Variants in INPP5A observed in about 807,000 individuals in gnomAD.
INPP5A encodes the protein 43 kDa inositol polyphosphate 5-phophatase.
In INPP5A, 14 loss-of-function variants were observed where a neutral mutation model predicts 65.2. That is an observed-to-expected ratio of 0.21 (90% CI 0.14 to 0.34). The LOEUF (loss-of-function observed/expected upper bound fraction) is 0.34, where lower values mean the gene tolerates loss of function less well. INPP5A is among the 10% of genes least tolerant of loss of function. INPP5A has a pLI of 1.00. For missense variants in INPP5A, 431 were observed against 545.6 expected, an observed-to-expected ratio of 0.79 and a Z score of 2.09; for synonymous variants, 207 against 208.3, an observed-to-expected ratio of 0.99 and a Z score of 0.05.
chr10:132,735,084 T>C (rs79509250), intron 9 of INPP5A, among the ~76,000 whole-genome samples: 4,894 of 152,242 alleles, frequency 0.032, 114 homozygotes, highest in Non-Finnish European at 0.049. Flanking sequence ...CCCTGAGCCT[T>C]TCTGTCAAAC....
At chr10:132,708,079 C>T (rs1288085091) in intron 6 of INPP5A, among the ~76,000 whole-genome samples, 2 of 152,184 alleles carry the variant, frequency 1.3e-5, no homozygotes, top group Admixed American at 6.5e-5. Flanking sequence ...TCATATCTTC[C>T]CCCCACCCCA....
chr10:132,611,375 G>T (rs2071946733), intron 2 of INPP5A, among the ~76,000 whole-genome samples: 1 of 148,488 alleles, frequency 6.7e-6, no homozygotes, highest in Non-Finnish European at 1.5e-5. Context: ...GGGTGAGGGA[G>T]GTGAGGTGGG....
chr10:132,560,992 C>T (rs903584545), intron 1 of INPP5A, among the ~76,000 whole-genome samples: 3 of 150,260 alleles, frequency 2.0e-5, no homozygotes, highest in Non-Finnish European at 4.4e-5. Context: ...ATGTAATTTA[C>T]AAATGTTTTC....
At chr10:132,596,769 ATGTG>A (rs1177211287) in intron 1 of INPP5A, among the ~76,000 whole-genome samples, 2 of 151,626 alleles carry the variant, frequency 1.3e-5, no homozygotes, top group African/African-American at 2.4e-5. Context: ...GTATGCATGC[ATGTG>A]TGTTTGTGTG....
intron 4 of INPP5A, among the ~76,000 whole-genome samples, chr10:132,669,989 C>A (rs1413431049): frequency 6.7e-6 from 1 of 150,314 alleles, no homozygotes. Flanking sequence ...GGGTCACCAA[C>A]CTCTTTGCAG....
intron 4 of INPP5A, among the ~76,000 whole-genome samples, chr10:132,666,130 G>T (rs1178646283): frequency 6.6e-6 from 1 of 151,044 alleles, no homozygotes; most frequent in African/African-American, 2.4e-5. Context: ...CTGAGTCACT[G>T]TGTGCCTGGC....
chr10:132,708,640 G>C (rs2786892), intron 7 of INPP5A: 16 of 534,052 alleles, frequency 3.0e-5, no homozygotes, highest in Non-Finnish European at 4.6e-5. Context: ...GGAGAGTTCC[G>C]CTGGCCAGAG....
chr10:132,629,614 C>CT (rs2072238017), intron 2 of INPP5A, among the ~76,000 whole-genome samples: 1 of 152,242 alleles, frequency 6.6e-6, no homozygotes, highest in Admixed American at 6.5e-5. Context: ...TGAGTGTTCA[C>CT]TTGCTGCTGC....
chr10:132,604,054 G>C (rs1246550014), intron 1 of INPP5A, among the ~76,000 whole-genome samples: 6 of 136,684 alleles, frequency 4.4e-5, no homozygotes, highest in Admixed American at 3.7e-4. Flanking sequence ...TCCCCTCTCT[G>C]TCCCGCCCTG....
intron 2 of INPP5A, among the ~76,000 whole-genome samples, chr10:132,624,351 T>C (rs2072149482): frequency 6.6e-6 from 1 of 152,248 alleles, no homozygotes; most frequent in Non-Finnish European, 1.5e-5. Context: ...AAGTGTGAGC[T>C]CGCTGTTTTG....
intron 11 of INPP5A, among the ~76,000 whole-genome samples, chr10:132,754,183 A>G (rs902618095): frequency 2.6e-5 from 4 of 152,208 alleles, no homozygotes; most frequent in East Asian, 1.9e-4. Flanking sequence ...CCTGGCCGCC[A>G]TGGTCCCTGC....
At chr10:132,751,565 G>A (rs529481011) in intron 11 of INPP5A, among the ~76,000 whole-genome samples, 8 of 152,352 alleles carry the variant, frequency 5.3e-5, no homozygotes, top group Non-Finnish European at 7.3e-5. Context: ...TCCCGGCCTC[G>A]TCAGTGGGGA....
At chr10:132,596,276 G>T (rs1024315497) in intron 1 of INPP5A, among the ~76,000 whole-genome samples, 6 of 152,170 alleles carry the variant, frequency 3.9e-5, no homozygotes, top group African/African-American at 1.4e-4. Flanking sequence ...ACCAGTTTGG[G>T]CAGGATGAAT....
chr10:132,730,727 T>G (rs1000735687), intron 9 of INPP5A, among the ~76,000 whole-genome samples: 1 of 152,144 alleles, frequency 6.6e-6, no homozygotes, highest in African/African-American at 2.4e-5. Flanking sequence ...CGGGCCTGGC[T>G]GACCCAGGTG....
intron 11 of INPP5A, among the ~76,000 whole-genome samples, chr10:132,754,392 G>A (rs150792310): frequency 9.8e-4 from 150 of 152,342 alleles, no homozygotes; most frequent in African/African-American, 3.4e-3. Flanking sequence ...ACGAGTGAGC[G>A]ATGGGGATTC....
intron 1 of INPP5A, among the ~76,000 whole-genome samples, chr10:132,539,082 C>G (rs769969396): frequency 1.3e-5 from 2 of 152,170 alleles, no homozygotes; most frequent in Non-Finnish European, 2.9e-5. Flanking sequence ...GCTCCTGCCC[C>G]TGAATCCTGA....
At chr10:132,725,156 C>A (rs927866888) in intron 8 of INPP5A, among the ~76,000 whole-genome samples, 1 of 152,190 alleles carries the variant, frequency 6.6e-6, no homozygotes, top group Non-Finnish European at 1.5e-5. Flanking sequence ...CAGGTGAAAT[C>A]GGGAGAAAAT....
intron 9 of INPP5A, among the ~76,000 whole-genome samples, chr10:132,732,348 A>T (rs1259056192): frequency 1.3e-5 from 2 of 152,254 alleles, no homozygotes; most frequent in African/African-American, 2.4e-5. Flanking sequence ...CTGTGGATAC[A>T]TAGCTGTTCA....
rs993275993 is a variant in INPP5A at position 132,651,433 on chromosome 10, C to T, written c.306+928C>T. Among the ~76,000 whole-genome samples, 9 of 141,912 alleles carry T rather than the reference C, an allele frequency of 6.3e-5. No individual in the cohort carries two copies. Among genetic ancestry groups the T allele is most frequent in the South Asian group, 2.4e-4 (1 of 4,230 alleles). 93.1% of individuals were successfully genotyped at this position (141,912 alleles called of 152,430 possible). On this transcript the variant is annotated intron_variant, in intron 4 of 15. Transcript: ENST00000368594. This position sits in a 1 kb window ranked among gnomAD's most constrained non-coding sequence, Gnocchi z 5.0. Reference sequence around the variant, plus strand: ...TCCCCCGGCCTGGGTCCATCTCCCCCGTCTCTGGGGAGGCCCTGGGTCCCC... The same window carrying T: ...TCCCCCGGCCTGGGTCCATCTCCCCTGTCTCTGGGGAGGCCCTGGGTCCCC...
Sources: allele counts gnomAD v4.1 joint callset (sites outside exome capture counted in the v4.1 genomes callset), GRCh38; gene constraint gnomAD v4.1.1; non-coding constraint Gnocchi (gnomAD v3.1); transcripts MANE v1.5; gene names NCBI Gene and HGNC (gene_info 2026-07-23, HGNC 2026-07-21).